Variants in EFNA4 observed in about 807,000 individuals in gnomAD.
The protein encoded by EFNA4 is ephrin A4.
EFNA4 carries 22 observed loss-of-function variants against 23.7 expected under a neutral mutation model. The observed-to-expected ratio is 0.93, with a 90% CI of 0.66 to 1.32. EFNA4 has a LOEUF of 1.32. EFNA4 is among the 40% of genes most tolerant of loss of function. The pLI is 0.00. For missense variants in EFNA4, 252 were observed against 252.3 expected, an observed-to-expected ratio of 1.00 and a Z score of 0.01; for synonymous variants, 113 against 108.3, an observed-to-expected ratio of 1.04 and a Z score of -0.27.
At chr1:155,064,018 G>C in intron 1 of EFNA4, 82 bp downstream of exon 1, 1 of 1,277,108 alleles carries the variant, frequency 7.8e-7, no homozygotes, top group South Asian at 1.5e-5. Flanking sequence ...CGCTCTTTGC[G>C]CGGCGCCGCC....
chr1:155,068,427 ATTTTT>A (rs71077978), intron 3 of EFNA4, among the ~76,000 whole-genome samples: 2 of 25,378 alleles, frequency 7.9e-5, no homozygotes, highest in African/African-American at 4.0e-4. Context: ...CACCCAGCTG[ATTTTT>A]TTTTTTTTTT....
chr1:155,066,762 G>A lies in EFNA4; in HGVS notation c.146G>A (p.Gly49Asp). ...CGAGGAGACGCCGTGGTGGAGCTGG[G>A]CCTCAACGATTACCTAGACATTGTC... is the stretch of plus-strand genomic sequence containing the variant. ...LLRGDAVVEL[G>D]LNDYLDIVCP... Residue 49 changes from glycine (G) to aspartate (D), a missense_variant, in exon 2 of 4, where the codon GGC becomes GAC. Gly to Asp is a moderately conservative substitution (Grantham distance 94). Coordinates refer to ENST00000368409, the MANE Select transcript of EFNA4 (RefSeq NM_005227.3). 1 of 1,607,210 alleles carries A rather than the reference G, an allele frequency of 6.2e-7. No individual in the cohort carries two copies. The highest frequency in any genetic ancestry group is 8.5e-7 in the Non-Finnish European group (1 of 1,177,816).
chr1:155,068,254 C>G (rs902456312), intron 3 of EFNA4, among the ~76,000 whole-genome samples: 1 of 126,170 alleles, frequency 7.9e-6, no homozygotes, highest in African/African-American at 3.1e-5. Flanking sequence ...TGTGGCCTCA[C>G]TGCACACTTT....
In EFNA4 at chr1:155,066,832, G is replaced by A. The variant is rs541082385; in HGVS notation, c.216G>A (p.Thr72=). Residue 72 remains threonine, a synonymous_variant, in exon 2 of 4, where the codon ACG becomes ACA. Coordinates refer to ENST00000368409, the MANE Select transcript of EFNA4 (RefSeq NM_005227.3). The part of the protein sequence containing the change: ...EGPGPPEGPE[T]FALYMVDWPG... ...CAGGGCCCCCTGAGGGCCCCGAGAC[G>A]TTTGCTTTGTACATGGTGGACTGGC... The A allele has an allele frequency of 1.5e-4, 237 of 1,614,060 alleles. 4 individuals carry two copies. In the South Asian group the frequency reaches 2.3e-3, roughly 16 times the overall value.
At position 155,069,108 on chromosome 1, in the gene EFNA4, T is replaced by C. The variant is rs772048174; in HGVS notation, c.*119T>C. The stretch of plus-strand genomic sequence containing the variant: ...CAATTCAGACCGACAAGATGGAGCA[T>C]TGATGGGGGAGATCAGAGGGTCTGA... On this transcript the variant is annotated 3_prime_UTR_variant, in exon 4 of 4. Transcript: ENST00000368409. 10 of 1,610,940 alleles carry C rather than the reference T, an allele frequency of 6.2e-6. No homozygotes were observed. The highest frequency in any genetic ancestry group is 8.5e-6 in the Non-Finnish European group (10 of 1,179,024).
chr1:155,064,137 G>C (rs1308629888), intron 1 of EFNA4, among the ~76,000 whole-genome samples: 3 of 152,228 alleles, frequency 2.0e-5, no homozygotes, highest in Non-Finnish European at 4.4e-5. Flanking sequence ...TGTGTTGGGG[G>C]GCAGGCAGAA....
At chr1:155,066,061 G>T (rs1274984131) in intron 1 of EFNA4, among the ~76,000 whole-genome samples, 2 of 152,028 alleles carry the variant, frequency 1.3e-5, no homozygotes, top group African/African-American at 2.4e-5. Context: ...GGTAGAGACA[G>T]TCTCACCATG....
chr1:155,063,792 G>C lies in EFNA4; in HGVS notation c.-32G>C, dbSNP rs1463310416. 6.7e-7 allele frequency: 1 copy of C among 1,498,058 alleles called. No individual in the cohort carries two copies. The allele number at this position is 1,498,058 out of a possible 1,614,324, so 92.8% of individuals were successfully genotyped here. A position where few individuals can be genotyped will look rare whatever the true frequency, so the allele number is the denominator to read the frequency against. On this transcript the variant is annotated 5_prime_UTR_variant, in exon 1 of 4. Transcript: ENST00000368409. This position sits in a 1 kb window ranked among gnomAD's most constrained non-coding sequence, Gnocchi z 4.1. ...TCGACTGTGAAGCGGGCCGGGACCT[G>C]CCAGGCCAGACCAAACCGGACCTCG...
At chr1:155,065,696 T>C (rs1663005911) in intron 1 of EFNA4, among the ~76,000 whole-genome samples, 1 of 136,732 alleles carries the variant, frequency 7.3e-6, no homozygotes. Context: ...CCACCACTCA[T>C]GGCCTTTATT....
At position 155,067,441 on chromosome 1, in the gene EFNA4, G is replaced by C; in HGVS notation, c.469+1G>C. The C allele has an allele frequency of 6.2e-7, 1 of 1,614,178 alleles. No homozygotes were observed. The highest frequency in any genetic ancestry group is 8.5e-7 in the Non-Finnish European group (1 of 1,180,030). ...GTGTCTGTCTGCTGCAAGGAGAGGAGTAAGTGGGTTGGGAGCATGGACCCT... is the reference window on the plus strand; with the variant it reads ...GTGTCTGTCTGCTGCAAGGAGAGGACTAAGTGGGTTGGGAGCATGGACCCT... On this transcript the variant is annotated splice_donor_variant, in intron 3 of 3. Transcript: ENST00000368409. LOFTEE classifies it high-confidence loss of function.
At chr1:155,068,384 G>A (rs896391826) in intron 3 of EFNA4, among the ~76,000 whole-genome samples, 4 of 130,684 alleles carry the variant, frequency 3.1e-5, no homozygotes, top group Admixed American at 1.7e-4. Context: ...TCCTGCCTCA[G>A]TATTCCGAGT....
chr1:155,069,013 C>T lies in EFNA4; in HGVS notation c.*24C>T. 2 of 1,613,344 alleles carry T rather than the reference C, an allele frequency of 1.2e-6. No homozygotes were observed. The highest frequency in any genetic ancestry group is 1.7e-6 in the Non-Finnish European group (2 of 1,179,532). On this transcript the variant is annotated 3_prime_UTR_variant, in exon 4 of 4. Transcript: ENST00000368409. The stretch of plus-strand genomic sequence containing the variant: ...GAGCCAAGCAGACCTTCCCTCTCAT[C>T]CCAAGGAGCCAGAGTCCTCCCAAGA...
rs371052923 is a variant in EFNA4 at position 155,063,955 on chromosome 1, G to C, written c.113+19G>C. On this transcript the variant is annotated intron_variant, in intron 1 of 3. Transcript: ENST00000368409. This position sits in a 1 kb window ranked among gnomAD's most constrained non-coding sequence, Gnocchi z 4.1. ...ACCCCAGGTAGCCGGGCCGAACCGGGCGAGCGCACAGCCAAGTCTGCGCGC... is the reference window on the plus strand; with the variant it reads ...ACCCCAGGTAGCCGGGCCGAACCGGCCGAGCGCACAGCCAAGTCTGCGCGC... 15 of 1,528,844 alleles carry C rather than the reference G, an allele frequency of 9.8e-6. No individual in the cohort carries two copies. Among genetic ancestry groups the C allele is most frequent in the Non-Finnish European group, 1.2e-5 (14 of 1,137,962 alleles). 94.7% of individuals were successfully genotyped at this position (1,528,844 alleles called of 1,614,324 possible). A position where few individuals can be genotyped will look rare whatever the true frequency, so the allele number is the denominator to read the frequency against.
intron 1 of EFNA4, 99 bp downstream of exon 1, chr1:155,064,035 T>G (rs1662906248): frequency 2.4e-4 from 146 of 604,028 alleles, no homozygotes; most frequent in Middle Eastern, 1.4e-3. Flanking sequence ...CGCCTGAGCC[T>G]GGCCGCGCGC....
rs1166665924 is a variant in EFNA4 at position 155,068,984 on chromosome 1, CTG to C, written c.604_605del (p.Ter202SerfsTer41). ...LLLILRLLRIL is the reference protein window; with the variant it reads ...LLLILRLLRIX ...TCTGATTCTTCGTCTTCTGCGAATT[CTG>C]TGAGCCAAGCAGACCTTCCCTCTCA... On this transcript the variant is annotated frameshift_variant, in exon 4 of 4. Transcript: ENST00000368409. LOFTEE classifies it high-confidence loss of function. The C allele has an allele frequency of 6.2e-7, 1 of 1,613,956 alleles. No homozygotes were observed. The highest frequency in any genetic ancestry group is 1.7e-5 in the Admixed American group (1 of 59,988).
chr1:155,065,900 TTTTC>T, intron 1 of EFNA4, among the ~76,000 whole-genome samples: 1 of 151,566 alleles, frequency 6.6e-6, no homozygotes, highest in Middle Eastern at 3.4e-3. Context: ...GCCCGGCTAG[TTTTC>T]TTTTTATATT....
chr1:155,065,989 G>A (rs1032823757), intron 1 of EFNA4, among the ~76,000 whole-genome samples: 3 of 152,072 alleles, frequency 2.0e-5, no homozygotes, highest in African/African-American at 7.2e-5. Flanking sequence ...GCCCGCCTCA[G>A]CCTCCCAAAG....
rs1663077888 is a variant in EFNA4, at chr1:155,067,402, G to C, written c.431G>C (p.Cys144Ser). Residue 144 changes from cysteine (C) to serine (S), a missense_variant, in exon 3 of 4, where the codon TGC becomes TCC. By Grantham distance (112) the Cys-to-Ser change is moderately radical. Transcript: ENST00000368409. ...CCCACTCCAGAGAGTTCTGGCCAGTGCTTGAGGCTCCAGGTGTCTGTCTGC... is the reference window on the plus strand; with the variant it reads ...CCCACTCCAGAGAGTTCTGGCCAGTCCTTGAGGCTCCAGGTGTCTGTCTGC... The part of the protein sequence containing the change: ...SVPTPESSGQ[C>S]LRLQVSVCCK... 6.2e-7 allele frequency: 1 copy of C among 1,614,084 alleles called. No individual in the cohort carries two copies. Among genetic ancestry groups the C allele is most frequent in the Admixed American group, 1.7e-5 (1 of 60,006 alleles).
In EFNA4 at chr1:155,066,963, C is replaced by T. The variant is rs1422554226; in HGVS notation, c.347C>T (p.Thr116Ile). Residue 116 changes from threonine to isoleucine, a missense_variant, in exon 2 of 4, where the codon ACA becomes ATA. By Grantham distance (89) the Thr-to-Ile change is moderately conservative (BLOSUM62 -1). Coordinates refer to ENST00000368409, the MANE Select transcript of EFNA4 (RefSeq NM_005227.3). ...VQFSEKIQRF[T>I]PFSLGFEFLP... ...TTCTCAGAGAAGATTCAGCGCTTCA[C>T]ACCCTTCTCCCTCGGCTTTGAGTTC... 1.2e-6 allele frequency: 2 copies of T among 1,614,028 alleles called. No individual in the cohort carries two copies. The highest frequency in any genetic ancestry group is 3.3e-5 in the Admixed American group (2 of 60,028).
Sources: allele counts gnomAD v4.1 joint callset (sites outside exome capture counted in the v4.1 genomes callset), GRCh38; gene constraint gnomAD v4.1.1; non-coding constraint Gnocchi (gnomAD v3.1); transcripts MANE v1.5; gene names NCBI Gene and HGNC (gene_info 2026-07-23, HGNC 2026-07-21).